The following COL4A3 variants were observed in gnomAD, a reference collection of about 807,000 sequenced individuals.
COL4A3 encodes the protein collagen type IV alpha 3 chain, also known as collagen alpha-3(IV) chain.
In COL4A3, 135 loss-of-function variants were observed where a neutral mutation model predicts 217.4. That is an observed-to-expected ratio of 0.62 (90% CI 0.54 to 0.72). The LOEUF (loss-of-function observed/expected upper bound fraction) is 0.72. Among genes scored for constraint, COL4A3 ranks in the 30% least tolerant of loss-of-function variants. The pLI, the probability that COL4A3 is intolerant of heterozygous loss-of-function variation, is 0.00. For missense variants in COL4A3, 1,868 were observed against 2,119.9 expected (o/e 0.88, Z 2.33); for synonymous variants, 690 against 736.3 (o/e 0.94, Z 1.02).
chr2:227,225,066 C>T (rs2068012706), intron 1 of COL4A3, among the ~76,000 whole-genome samples: 1 of 152,172 alleles, frequency 6.6e-6, no homozygotes. Flanking sequence ...CTTGCGCCAC[C>T]ATGCCTGGCT....
rs534893588 is a variant in COL4A3 at position 227,220,180 on chromosome 2, C to CTTT, written c.88-17768_88-17766dup. Among the ~76,000 whole-genome samples, 42 of 82,976 alleles carry CTTT rather than the reference C, an allele frequency of 5.1e-4. 2 individuals are homozygous for CTTT. Among genetic ancestry groups the CTTT allele is most frequent in the South Asian group, 1.6e-3 (3 of 1,888 alleles). The allele number at this position is 82,976 out of a possible 152,430, so 54.4% of individuals were successfully genotyped here. On this transcript the variant is annotated intron_variant, in intron 1 of 51. Coordinates refer to ENST00000396578, the MANE Select transcript of COL4A3 (RefSeq NM_000091.5). ...TGTGTGTGTGTTTCAGAGACAAAGC[C>CTTT]TTTTTTTTTTTTTTTTTTTTTTGAG...
In COL4A3 at chr2:227,304,115, C is replaced by G. The variant is rs932178501; in HGVS notation, c.4124C>G (p.Pro1375Arg). The change falls in exon 46 of 52, where the codon CCT becomes CGT. Residue 1375 changes from proline (P) to arginine (R), a missense_variant. This residue lies in a region of COL4A3 where 1,503 missense variants were observed against 1,786.1 expected (regional missense o/e 0.84). Transcript: ENST00000396578. ...TPGEPGMQGE[P>R]GPPGPPGNLG... ...GGAGAACCAGGGATGCAGGGAGAACCTGGGCCACCAGGGCCACCTGGAAAC... is the reference window on the plus strand; with the variant it reads ...GGAGAACCAGGGATGCAGGGAGAACGTGGGCCACCAGGGCCACCTGGAAAC... 6 of 1,614,048 alleles carry G rather than the reference C, an allele frequency of 3.7e-6. No homozygotes were observed. The highest frequency in any genetic ancestry group is 5.1e-6 in the Non-Finnish European group (6 of 1,180,028).
chr2:227,279,722 A>G (rs2071824910), intron 28 of COL4A3, 71 bp from the exon 29 acceptor site: 1 of 1,051,812 alleles, frequency 9.5e-7, no homozygotes, highest in Non-Finnish European at 1.4e-6. Context: ...GTTGAGAGAT[A>G]AGAGAGTTAC....
In COL4A3 at chr2:227,310,815, GCCT is replaced by G. The variant is rs775551399; in HGVS notation, c.4798_4800del (p.Ser1600del). On this transcript the variant is annotated inframe_deletion, in exon 51 of 52. Transcript: ENST00000396578. ...TTCTGAGGGCACCGGGCAAGCACTGGCCTCCCCTGGCTCCTGCCTGGAAGAATT... is the reference window on the plus strand; with the variant it reads ...TTCTGAGGGCACCGGGCAAGCACTGGCCCCTGGCTCCTGCCTGGAAGAATT... 4 of 1,614,156 alleles carry G rather than the reference GCCT, an allele frequency of 2.5e-6. No individual in the cohort carries two copies. Among genetic ancestry groups the G allele is most frequent in the Non-Finnish European group, 3.4e-6 (4 of 1,180,022 alleles).
At chr2:227,170,684 C>T (rs2065445302) in intron 1 of COL4A3, among the ~76,000 whole-genome samples, 1 of 152,078 alleles carries the variant, frequency 6.6e-6, no homozygotes, top group South Asian at 2.1e-4. Flanking sequence ...ACCAGCACTT[C>T]AGGGCAATGC....
intron 2 of COL4A3, 96 bp downstream of exon 2, chr2:227,238,120 T>C (rs1198831471): frequency 3.7e-6 from 3 of 801,268 alleles, no homozygotes; most frequent in Admixed American, 1.8e-5. Context: ...AGATCCGCAG[T>C]ATGTTGTTCC....
rs2073443332 is a variant in COL4A3 at position 227,304,988 on chromosome 2, C to A, written c.4157C>A (p.Pro1386His). 5.0e-6 allele frequency: 8 copies of A among 1,613,490 alleles called. No individual in the cohort carries two copies. The highest frequency in any genetic ancestry group is 3.3e-5 in the South Asian group (3 of 91,018). ...GPPGPPGNLG[P>H]CGPRGKPGKD... ...TACAATGTTGGTTTTTGCCTAGGAC[C>A]CTGTGGGCCAAGAGGTAAGCCAGGC... The change falls in exon 47 of 52, where the codon CCC becomes CAC. Residue 1386 changes from proline to histidine, a missense_variant. Coordinates refer to ENST00000396578, the MANE Select transcript of COL4A3 (RefSeq NM_000091.5).
rs934572402 is a variant in COL4A3, at chr2:227,296,520, T to C, written c.3566-1154T>C. 3.1e-6 allele frequency: 3 copies of C among 980,904 alleles called. No homozygotes were observed. In the South Asian group the frequency reaches 1.4e-4, roughly 46 times the overall value. The allele number at this position is 980,904 out of a possible 1,614,324, so 60.8% of individuals were successfully genotyped here. ...AATATGGAGAAGAGTTCATTGAGAC[T>C]TGGAAGGTATGAATCCTTTTAATTA... On this transcript the variant is annotated intron_variant, in intron 41 of 51. Transcript: ENST00000396578.
rs2072034698 is a variant in COL4A3, at chr2:227,282,331, G to A, written c.2489-34G>A. ...GAAGTTAGTAGGGGAAAGCATTTGT[G>A]GGTTAATTAATTCATTCATTTATTC... On this transcript the variant is annotated intron_variant, in intron 31 of 51. Transcript: ENST00000396578. The surrounding 1 kb of genome is among the most constrained non-coding windows in gnomAD (Gnocchi z 4.4). The A allele has an allele frequency of 6.5e-7, 1 of 1,546,014 alleles. No homozygotes were observed. The highest frequency in any genetic ancestry group is 8.9e-7 in the Non-Finnish European group (1 of 1,124,564).
In COL4A3 at chr2:227,305,039, G is replaced by C. The variant is rs773708527; in HGVS notation, c.4208G>C (p.Gly1403Ala). Residue 1403 changes from glycine to alanine, a missense_variant, in exon 47 of 52, where the codon GGA becomes GCA. By Grantham distance (60) the Gly-to-Ala change is moderately conservative. Coordinates refer to ENST00000396578, the MANE Select transcript of COL4A3 (RefSeq NM_000091.5). Reference protein sequence around the residue: ...PGKDGKPGTPGPAGEKGNKGS... With the variant: ...PGKDGKPGTPAPAGEKGNKGS... ...AAGGATGGAAAACCAGGAACTCCTG[G>C]ACCAGCTGGAGAAAAAGGCAACAAA... 2 of 1,613,818 alleles carry C rather than the reference G, an allele frequency of 1.2e-6. No individual in the cohort carries two copies. Among genetic ancestry groups the C allele is most frequent in the African/African-American group, 1.3e-5 (1 of 74,904 alleles).
In COL4A3 at chr2:227,256,691, A is replaced by C. The variant is rs10205097; in HGVS notation, c.987+295A>C. ...GTTGAAAAAATCCTACAATTGTAGG[A>C]AGTTTGTGGTTATTTGAGATCAAGC... is the stretch of plus-strand genomic sequence containing the variant. On this transcript the variant is annotated intron_variant, in intron 17 of 51. Coordinates refer to ENST00000396578, the MANE Select transcript of COL4A3 (RefSeq NM_000091.5). The C allele has an allele frequency of 0.061, 33,755 of 551,516 alleles. 2,518 individuals carry two copies. Among genetic ancestry groups the C allele is most frequent in the African/African-American group, 0.27 (14,699 of 53,650 alleles). 34.2% of individuals were successfully genotyped at this position (551,516 alleles called of 1,614,324 possible).
intron 1 of COL4A3, among the ~76,000 whole-genome samples, chr2:227,190,483 T>A (rs1346388355): frequency 6.6e-6 from 1 of 152,262 alleles, no homozygotes. Context: ...ATGTTTTATA[T>A]GTCATCTAGG....
intron 1 of COL4A3, among the ~76,000 whole-genome samples, chr2:227,190,215 C>A (rs1189067690): frequency 6.6e-6 from 1 of 152,246 alleles, no homozygotes; most frequent in Non-Finnish European, 1.5e-5. Context: ...AAATGCAAGG[C>A]ACATGCAGGT....
intron 1 of COL4A3, among the ~76,000 whole-genome samples, chr2:227,198,525 C>G (rs369501803): frequency 1.3e-5 from 2 of 152,238 alleles, no homozygotes; most frequent in East Asian, 3.9e-4. Context: ...TGGTTAGACA[C>G]GTTTTTAGAC....
chr2:227,165,208 C>A (rs548502012), intron 1 of COL4A3, among the ~76,000 whole-genome samples: 61 of 152,254 alleles, frequency 4.0e-4, no homozygotes, highest in Middle Eastern at 3.4e-3. Context: ...CTTGGCCCAG[C>A]GCACAGAGGG....
chr2:227,205,052 G>A (rs888723078), intron 1 of COL4A3, among the ~76,000 whole-genome samples: 1 of 152,142 alleles, frequency 6.6e-6, no homozygotes, highest in Non-Finnish European at 1.5e-5. Context: ...TGCAAATAAG[G>A]AGCAGAAGTT....
intron 1 of COL4A3, among the ~76,000 whole-genome samples, chr2:227,204,803 G>A (rs555018492): frequency 6.6e-6 from 1 of 152,284 alleles, no homozygotes; most frequent in South Asian, 2.1e-4. Flanking sequence ...TGGATCCTCA[G>A]AACAAAACCT....
Position 227,309,265 on chromosome 2 carries a change from C to T in COL4A3, c.4702C>T (p.Pro1568Ser), listed in dbSNP as rs2073644777. The change falls in exon 50 of 52, where the codon CCT becomes TCT. Residue 1568 changes from proline (P) to serine (S), a missense_variant. Physicochemically the swap from Pro to Ser is moderately conservative, Grantham distance 74. Coordinates refer to ENST00000396578, the MANE Select transcript of COL4A3 (RefSeq NM_000091.5). ...IAVHSQTTDI[P>S]PCPHGWISLW... ...CGTTCACAGCCAAACCACTGACATT[C>T]CTCCATGTCCTCACGGCTGGATTTC... The T allele has an allele frequency of 2.5e-6, 4 of 1,614,174 alleles. No individual in the cohort carries two copies. The highest frequency in any genetic ancestry group is 2.7e-5 in the African/African-American group (2 of 75,046).
chr2:227,184,291 G>A (rs374578122), intron 1 of COL4A3, among the ~76,000 whole-genome samples: 2 of 152,224 alleles, frequency 1.3e-5, no homozygotes, highest in South Asian at 2.1e-4. Flanking sequence ...AAGGGAATGC[G>A]GAGACTGAGT....
Sources: allele counts gnomAD v4.1 joint callset (sites outside exome capture counted in the v4.1 genomes callset), GRCh38; gene constraint gnomAD v4.1.1; regional missense constraint gnomAD v4.1.1; non-coding constraint Gnocchi (gnomAD v3.1); transcripts MANE v1.5; gene names NCBI Gene and HGNC (gene_info 2026-07-23, HGNC 2026-07-21).